USP10: variants seen among roughly 807,000 people sequenced by gnomAD.
USP10 encodes the protein ubiquitin specific peptidase 10, also known as ubiquitin carboxyl-terminal hydrolase 10.
A neutral mutation model predicts 84.5 loss-of-function variants in USP10; 22 were observed. That is an observed-to-expected ratio of 0.26 (90% CI 0.19 to 0.37). The LOEUF is 0.37. Among genes scored for constraint, USP10 ranks in the 10% least tolerant of loss-of-function variants. USP10 has a pLI of 1.00. For synonymous variants in USP10, 454 were observed against 387.6 expected, an observed-to-expected ratio of 1.17 and a Z score of -2.01; for missense variants, 1,019 against 998.9, an observed-to-expected ratio of 1.02 and a Z score of -0.27.
At chr16:84,739,360 C>T (rs1414452015) in intron 2 of USP10, among the ~76,000 whole-genome samples, 1 of 152,062 alleles carries the variant, frequency 6.6e-6, no homozygotes, top group African/African-American at 2.4e-5. Flanking sequence ...CAACCTCCAT[C>T]CCCCAGGTTC....
intron 1 of USP10, among the ~76,000 whole-genome samples, chr16:84,723,033 C>G (rs1036897693): frequency 1.3e-5 from 2 of 152,076 alleles, no homozygotes; most frequent in Admixed American, 6.5e-5. Context: ...GGATGCATGC[C>G]TGCTTCACAC....
At chr16:84,762,162 G>T (rs996925827) in intron 8 of USP10, among the ~76,000 whole-genome samples, 2 of 152,242 alleles carry the variant, frequency 1.3e-5, no homozygotes, top group African/African-American at 4.8e-5. Flanking sequence ...GCTGATGTAT[G>T]TGTAACACAG....
In USP10 at chr16:84,744,998, A is replaced by G. The variant is rs373648775; in HGVS notation, c.517A>G (p.Thr173Ala). The change falls in exon 4 of 14, where the codon ACA becomes GCA. Residue 173 changes from threonine (T) to alanine (A), a missense_variant. Around this residue, in one of 2 missense-constraint regions of USP10, gnomAD observed 787 missense variants for 708.8 expected, o/e 1.11. Coordinates refer to ENST00000219473, the MANE Select transcript of USP10 (RefSeq NM_005153.3). ...LKDGGDDSIS[T>A]EALVNGHANS... ...AGATGGTGGCGATGATAGTATCTCC[A>G]CAGAAGCCCTGGTCAATGGCCATGC... 3.8e-5 allele frequency: 62 copies of G among 1,613,732 alleles called. No homozygotes were observed. Among genetic ancestry groups the G allele is most frequent in the Non-Finnish European group, 4.8e-5 (57 of 1,179,738 alleles).
At chr16:84,737,280 T>C (rs1208732618) in intron 2 of USP10, among the ~76,000 whole-genome samples, 1 of 152,264 alleles carries the variant, frequency 6.6e-6, no homozygotes, top group Non-Finnish European at 1.5e-5. Flanking sequence ...TAACTATTAA[T>C]AGATGACAGT....
At chr16:84,732,928 A>C (rs373409720) in intron 1 of USP10, 35 of 373,110 alleles carry the variant, frequency 9.4e-5, no homozygotes, top group African/African-American at 6.6e-4. Flanking sequence ...ATCCTATGGA[A>C]ATGCATTTTT....
At chr16:84,708,444 C>T (rs1251189478) in intron 1 of USP10, among the ~76,000 whole-genome samples, 2 of 152,108 alleles carry the variant, frequency 1.3e-5, no homozygotes, top group Non-Finnish European at 2.9e-5. Flanking sequence ...GAGTGAAACT[C>T]CATCTCAAAA....
chr16:84,761,256 CA>C (rs1431128066), intron 8 of USP10, among the ~76,000 whole-genome samples: 3 of 152,196 alleles, frequency 2.0e-5, no homozygotes, highest in Admixed American at 1.3e-4. Context: ...CAGGTGGAGG[CA>C]AAATAAAGTG....
intron 2 of USP10, among the ~76,000 whole-genome samples, chr16:84,739,978 C>T (rs1030473145): frequency 6.6e-6 from 1 of 152,214 alleles, no homozygotes; most frequent in South Asian, 2.1e-4. Flanking sequence ...GATGGTCAGT[C>T]ACTGACATCC....
chr16:84,731,325 G>C (rs1022254314), intron 1 of USP10, among the ~76,000 whole-genome samples: 2 of 150,858 alleles, frequency 1.3e-5, no homozygotes, highest in Non-Finnish European at 2.9e-5. Flanking sequence ...GCAGGGCTAC[G>C]CCATAGGCAA....
intron 9 of USP10, among the ~76,000 whole-genome samples, chr16:84,763,376 T>C (rs1362677163): frequency 6.6e-6 from 1 of 152,206 alleles, no homozygotes; most frequent in Non-Finnish European, 1.5e-5. Flanking sequence ...GTGTACAGTT[T>C]TAAACATATT....
In USP10 at chr16:84,779,084, C is replaced by A; in HGVS notation, c.*2C>A. On this transcript the variant is annotated 3_prime_UTR_variant, in exon 14 of 14. Transcript: ENST00000219473. ...TACCGCCGAGTGGACCTGCTGTAAA[C>A]CCTGTGTGCGCTGTGTGTGCGCCCA... 1 of 1,612,414 alleles carries A rather than the reference C, an allele frequency of 6.2e-7. No individual in the cohort carries two copies.
chr16:84,752,181 T>G (rs1912009188), intron 4 of USP10, among the ~76,000 whole-genome samples: 1 of 152,232 alleles, frequency 6.6e-6, no homozygotes, highest in East Asian at 1.9e-4. Context: ...TCTGGCATTT[T>G]GTGCCTTTTC....
In USP10 at chr16:84,755,974, G is replaced by T. The variant is rs544011142; in HGVS notation, c.1193-2742G>T. Among the ~76,000 whole-genome samples the T allele has an allele frequency of 2.6e-5, 4 of 152,282 alleles. No individual in the cohort carries two copies. In the South Asian group the frequency reaches 6.2e-4, roughly 24 times the overall value. On this transcript the variant is annotated intron_variant, in intron 4 of 13. Coordinates refer to ENST00000219473, the MANE Select transcript of USP10 (RefSeq NM_005153.3). ...CTAGTTGGATAGCACTGCTGCCCCA[G>T]TCAGTGAGAACCTTCTAGTATATCT... is the stretch of plus-strand genomic sequence containing the variant.
At chr16:84,717,770 A>T (rs1019803800) in intron 1 of USP10, among the ~76,000 whole-genome samples, 5 of 152,312 alleles carry the variant, frequency 3.3e-5, no homozygotes, top group African/African-American at 1.2e-4. Flanking sequence ...AAGTGCTTCT[A>T]CTGCCTTTGA....
chr16:84,716,968 G>A (rs1008741130), intron 1 of USP10, among the ~76,000 whole-genome samples: 1 of 152,210 alleles, frequency 6.6e-6, no homozygotes, highest in African/African-American at 2.4e-5. Flanking sequence ...ATAGCAGTGT[G>A]CTTGCTTCAT....
intron 5 of USP10, among the ~76,000 whole-genome samples, chr16:84,759,084 A>G (rs1239876807): frequency 1.3e-5 from 2 of 152,242 alleles, no homozygotes; most frequent in African/African-American, 2.4e-5. Flanking sequence ...CAGAGCAACC[A>G]CTTACAACTG....
At chr16:84,707,336 A>T (rs1043298173) in intron 1 of USP10, among the ~76,000 whole-genome samples, 1 of 152,352 alleles carries the variant, frequency 6.6e-6, no homozygotes, top group Admixed American at 6.5e-5. Flanking sequence ...GTTACTATTC[A>T]CTAAAGTTTG....
intron 1 of USP10, among the ~76,000 whole-genome samples, chr16:84,731,393 G>A (rs928360039): frequency 2.6e-5 from 4 of 151,734 alleles, no homozygotes; most frequent in African/African-American, 7.3e-5. Context: ...CATGATTTTA[G>A]TTTATTTATT....
intron 12 of USP10, among the ~76,000 whole-genome samples, chr16:84,774,631 C>T (rs561160625): frequency 2.6e-4 from 39 of 151,860 alleles, no homozygotes; most frequent in South Asian, 1.0e-3. Context: ...CCACCACGCC[C>T]GGGTAATTTT....
Sources: allele counts gnomAD v4.1 joint callset (sites outside exome capture counted in the v4.1 genomes callset), GRCh38; gene constraint gnomAD v4.1.1; regional missense constraint gnomAD v4.1.1; transcripts MANE v1.5; gene names NCBI Gene and HGNC (gene_info 2026-07-23, HGNC 2026-07-21).